Variants in ISCU observed in about 807,000 individuals in gnomAD.
ISCU encodes iron-sulfur cluster assembly enzyme.
ISCU carries 13 observed loss-of-function variants against 18.4 expected under a neutral mutation model. The ratio of observed to expected loss-of-function variants is 0.71; its 90% CI spans 0.46 to 1.12. The LOEUF is 1.12. ISCU is among the 50% of genes most tolerant of loss of function. The pLI, the probability that ISCU is intolerant of heterozygous loss-of-function variation, is 0.00. For missense variants in ISCU, 229 were observed against 208.7 expected, an observed-to-expected ratio of 1.10 and a Z score of -0.60; for synonymous variants, 104 against 87.5, an observed-to-expected ratio of 1.19 and a Z score of -1.06.
intron 4 of ISCU, chr12:108,568,246 T>C: frequency 8.3e-7 from 1 of 1,198,624 alleles, no homozygotes; most frequent in African/African-American, 1.6e-5. Context: ...ATTTGCTTGC[T>C]TTCTGCTGTC....
At chr12:108,565,253 C>A (rs1195558618) in intron 2 of ISCU, 68 bp from the exon 3 acceptor site, 2 of 1,171,956 alleles carry the variant, frequency 1.7e-6, no homozygotes, top group Non-Finnish European at 2.6e-6. Flanking sequence ...CCCTGGTGAA[C>A]CTTCGTGAGT....
chr12:108,565,518 C>T (rs1444441101), intron 3 of ISCU, 87 bp downstream of exon 3: 1 of 825,436 alleles, frequency 1.2e-6, no homozygotes, highest in Non-Finnish European at 2.1e-6. Flanking sequence ...TTCTCCTATG[C>T]AGATGTTGAT....
rs867221799 is a variant in ISCU at position 108,569,009 on chromosome 12, A to G, written c.*93A>G. 44 of 1,024,938 alleles carry G rather than the reference A, an allele frequency of 4.3e-5. No homozygotes were observed. In the African/African-American group the frequency reaches 6.2e-4, roughly 14 times the overall value. The allele number at this position is 1,024,938 out of a possible 1,614,324, so 63.5% of individuals were successfully genotyped here. On this transcript the variant is annotated 3_prime_UTR_variant, in exon 5 of 5. Coordinates refer to ENST00000311893, the MANE Select transcript of ISCU (RefSeq NM_213595.4). Reference sequence around the variant, plus strand: ...GATGTTCAGAAGCCGCTTCCTCTCCACTGAAGAGCTATGAGATACGCACAA... The same window carrying G: ...GATGTTCAGAAGCCGCTTCCTCTCCGCTGAAGAGCTATGAGATACGCACAA...
At position 108,562,741 on chromosome 12, in the gene ISCU, G is replaced by A; in HGVS notation, c.114+5G>A. The A allele has an allele frequency of 1.5e-6, 2 of 1,294,502 alleles. No homozygotes were observed. The highest frequency in any genetic ancestry group is 3.3e-5 in the East Asian group (1 of 30,752). The allele number at this position is 1,294,502 out of a possible 1,614,324, so 80.2% of individuals were successfully genotyped here. On this transcript the variant is annotated splice_donor_5th_base_variant and intron_variant, in intron 1 of 4. Transcript: ENST00000311893. Reference sequence around the variant, plus strand: ...GCCCGACTCTATCACAAGAAGGTAGGGACAAAAGAGGGACGCGCGGAATGC... The same window carrying A: ...GCCCGACTCTATCACAAGAAGGTAGAGACAAAAGAGGGACGCGCGGAATGC...
chr12:108,562,422 A>C (rs1490035797), upstream of ISCU, among the ~76,000 whole-genome samples: 1 of 152,226 alleles, frequency 6.6e-6, no homozygotes, highest in Non-Finnish European at 1.5e-5. Flanking sequence ...GCGACTTCAG[A>C]CCTTCCCGCT....
chr12:108,569,087 G>A lies in ISCU; in HGVS notation c.*171G>A. 1.5e-6 allele frequency: 1 copy of A among 648,148 alleles called. No individual in the cohort carries two copies. Among genetic ancestry groups the A allele is most frequent in the East Asian group, 2.8e-5 (1 of 36,244 alleles). 40.1% of individuals were successfully genotyped at this position (648,148 alleles called of 1,614,324 possible). A position where few individuals can be genotyped will look rare whatever the true frequency, so the allele number is the denominator to read the frequency against. On this transcript the variant is annotated 3_prime_UTR_variant, in exon 5 of 5. Transcript: ENST00000311893. ...TGCAAGCAAAATACACAGTTTCATT[G>A]TTCTGAATCCTGTGGTTTCTTTCAG...
intron 4 of ISCU, chr12:108,568,452 G>T: frequency 8.0e-6 from 9 of 1,125,738 alleles, no homozygotes; most frequent in Non-Finnish European, 9.8e-6. Context: ...GCTAGACTTT[G>T]ATGGGAGCAG....
At chr12:108,562,526 T>A, upstream of ISCU, 1 of 639,508 alleles carries the variant, frequency 1.6e-6, no homozygotes. Context: ...AAAGCTTCGG[T>A]GACGTCAGAG....
intron 4 of ISCU, 162 bp from the exon 5 acceptor site, chr12:108,568,669 C>G: frequency 6.8e-7 from 1 of 1,473,456 alleles, no homozygotes; most frequent in African/African-American, 1.4e-5. Context: ...GCTCAGGAAG[C>G]AGCTGCTGAC....
At chr12:108,568,110 C>T (rs1348100697) in intron 4 of ISCU, 2 of 1,374,008 alleles carry the variant, frequency 1.5e-6, no homozygotes, top group African/African-American at 1.5e-5. Flanking sequence ...TCCACTTGAT[C>T]TGGAATTTTA....
At chr12:108,567,536 G>C in intron 4 of ISCU, 1 of 828,494 alleles carries the variant, frequency 1.2e-6, no homozygotes, top group Non-Finnish European at 2.0e-6. Context: ...ATCCTTGAGT[G>C]CACAGTAGAT....
chr12:108,566,443 C>T (rs2030900473), intron 3 of ISCU, among the ~76,000 whole-genome samples: 1 of 152,216 alleles, frequency 6.6e-6, no homozygotes, highest in African/African-American at 2.4e-5. Context: ...CTTGAGATCT[C>T]CCATCTGAGT....
At chr12:108,562,475 C>T, upstream of ISCU, 1 of 465,492 alleles carries the variant, frequency 2.1e-6, no homozygotes, top group East Asian at 3.6e-5. Flanking sequence ...AAGGCGGGGC[C>T]AGAAGGCGGA....
In ISCU at chr12:108,564,265, C is replaced by T. The variant is rs767898039; in HGVS notation, c.115-14C>T. The T allele has an allele frequency of 5.0e-6, 8 of 1,597,838 alleles. No homozygotes were observed. Among genetic ancestry groups the T allele is most frequent in the Non-Finnish European group, 6.9e-6 (8 of 1,165,324 alleles). The stretch of plus-strand genomic sequence containing the variant: ...AGAGAGTGAACATGATTTATCTTAA[C>T]CCTCTCATTTTAGGTTGTTGATCAT... On this transcript the variant is annotated splice_polypyrimidine_tract_variant and intron_variant, in intron 1 of 4. Transcript: ENST00000311893.
upstream of ISCU, among the ~76,000 whole-genome samples, chr12:108,562,106 C>T (rs4964725): frequency 0.81 from 123,844 of 152,162 alleles, 50,576 homozygotes; most frequent in East Asian, 0.93. Context: ...GATTCAGACT[C>T]AGCGAGCCGG....
intron 1 of ISCU, chr12:108,563,035 G>A (rs918327691): frequency 4.1e-6 from 1 of 246,686 alleles, no homozygotes; most frequent in Non-Finnish European, 7.7e-6. Flanking sequence ...CTGAGTCCAG[G>A]GACAGACACA....
At chr12:108,568,278 A>G in intron 4 of ISCU, 2 of 1,141,384 alleles carry the variant, frequency 1.8e-6, no homozygotes, top group Non-Finnish European at 2.2e-6. Context: ...CTCAGTTTTT[A>G]TTTTCCCCAT....
chr12:108,568,005 C>T (rs2030981810), intron 4 of ISCU: 1 of 1,530,700 alleles, frequency 6.5e-7, no homozygotes, highest in Non-Finnish European at 8.7e-7. Flanking sequence ...GAGAGTCAGG[C>T]CTCTTGCCAA....
chr12:108,566,860 C>G (rs1436135532), intron 3 of ISCU, among the ~76,000 whole-genome samples: 1 of 152,220 alleles, frequency 6.6e-6, no homozygotes, highest in Non-Finnish European at 1.5e-5. Context: ...CATAGGAAAT[C>G]ACTACCTTTT....
Sources: allele counts gnomAD v4.1 joint callset (sites outside exome capture counted in the v4.1 genomes callset), GRCh38; gene constraint gnomAD v4.1.1; transcripts MANE v1.5; gene names NCBI Gene and HGNC (gene_info 2026-07-23, HGNC 2026-07-21).